REEP3: variants seen among roughly 807,000 people sequenced by gnomAD.
REEP3 encodes receptor expression-enhancing protein 3.
REEP3 carries 20 observed loss-of-function variants against 41.3 expected under a neutral mutation model. The ratio of observed to expected loss-of-function variants is 0.48; its 90% CI spans 0.34 to 0.70. REEP3 has a LOEUF of 0.70. Ranked by LOEUF, REEP3 falls within the 30% of genes least tolerant of loss-of-function variation. The pLI, the probability that REEP3 is intolerant of heterozygous loss-of-function variation, is 0.01. For missense variants in REEP3, 271 were observed against 308.8 expected, an observed-to-expected ratio of 0.88 and a Z score of 0.92; for synonymous variants, 104 against 101.8, an observed-to-expected ratio of 1.02 and a Z score of -0.13.
At position 63,521,535 on chromosome 10, in the gene REEP3, C is replaced by G. The variant is rs753297717; in HGVS notation, c.-11C>G. The stretch of plus-strand genomic sequence containing the variant: ...ACCCGCCCCGGACGTGGGGCCCAAG[C>G]CCCCGTGAAGATGGTGTCCTGGATG... On this transcript the variant is annotated 5_prime_UTR_variant, in exon 1 of 8. Coordinates refer to ENST00000373758, the MANE Select transcript of REEP3 (RefSeq NM_001001330.3). 1.7e-5 allele frequency: 25 copies of G among 1,428,966 alleles called. No homozygotes were observed. Among genetic ancestry groups the G allele is most frequent in the South Asian group, 2.9e-5 (2 of 68,216 alleles). 88.5% of individuals were successfully genotyped at this position (1,428,966 alleles called of 1,614,324 possible).
rs567575776 is a variant in REEP3, at chr10:63,609,868, T to C, written c.418-319T>C. 4.6e-5 allele frequency among the ~76,000 whole-genome samples: 7 copies of C among 152,366 alleles called. No individual in the cohort carries two copies. In the South Asian group the frequency reaches 1.4e-3, roughly 32 times the overall value. On this transcript the variant is annotated intron_variant, in intron 5 of 7. Coordinates refer to ENST00000373758, the MANE Select transcript of REEP3 (RefSeq NM_001001330.3). Reference sequence around the variant, plus strand: ...CTAGTTTTAGGAGACATCAACATTATGGATGCTGTTTACTCTGAGGGTAAG... The same window carrying C: ...CTAGTTTTAGGAGACATCAACATTACGGATGCTGTTTACTCTGAGGGTAAG...
chr10:63,563,540 T>A lies in REEP3; in HGVS notation c.33-2798T>A, dbSNP rs183461959. On this transcript the variant is annotated intron_variant, in intron 1 of 7. Transcript: ENST00000373758. ...AAAGCCTATATATACTATATTTTTT[T>A]AATCTGATAACCAAAACAGCTGCTA... is the stretch of plus-strand genomic sequence containing the variant. 3.3e-3 allele frequency among the ~76,000 whole-genome samples: 499 copies of A among 152,292 alleles called. 2 individuals carry two copies. The highest frequency in any genetic ancestry group is 0.012 in the African/African-American group (483 of 41,554).
intron 1 of REEP3, among the ~76,000 whole-genome samples, chr10:63,540,766 TA>T (rs1223552318): frequency 6.6e-6 from 1 of 152,184 alleles, no homozygotes; most frequent in East Asian, 1.9e-4. Flanking sequence ...TTTGTTTTTT[TA>T]AATAGACAAG....
At chr10:63,547,004 C>T (rs1955584736) in intron 1 of REEP3, among the ~76,000 whole-genome samples, 1 of 152,102 alleles carries the variant, frequency 6.6e-6, no homozygotes, top group African/African-American at 2.4e-5. Context: ...TCACTACAAC[C>T]TCCGCCTCTC....
At chr10:63,589,678 G>C (rs952179442) in intron 2 of REEP3, among the ~76,000 whole-genome samples, 3 of 150,924 alleles carry the variant, frequency 2.0e-5, no homozygotes, top group Non-Finnish European at 4.4e-5. Flanking sequence ...CTTGAACCTT[G>C]CACACAGATT....
intron 1 of REEP3, among the ~76,000 whole-genome samples, chr10:63,561,755 A>G (rs2133371404): frequency 6.6e-6 from 1 of 152,330 alleles, no homozygotes; most frequent in Non-Finnish European, 1.5e-5. Context: ...GAATGGATGC[A>G]TGTACTCTCA....
chr10:63,530,987 A>G (rs1005814592), intron 1 of REEP3, among the ~76,000 whole-genome samples: 1 of 152,220 alleles, frequency 6.6e-6, no homozygotes, highest in Non-Finnish European at 1.5e-5. Flanking sequence ...AAAATTGTTC[A>G]TGTTTACAAA....
intron 3 of REEP3, 140 bp downstream of exon 3, chr10:63,594,994 T>C: frequency 1.5e-6 from 1 of 659,578 alleles, no homozygotes; most frequent in Non-Finnish European, 2.7e-6. Flanking sequence ...TCATCTGCTT[T>C]CCCATAGAAC....
intron 2 of REEP3, among the ~76,000 whole-genome samples, chr10:63,592,607 T>C (rs961749435): frequency 1.3e-5 from 2 of 152,104 alleles, no homozygotes; most frequent in Non-Finnish European, 2.9e-5. Flanking sequence ...GATAACCTTA[T>C]GGGCCGGGCG....
chr10:63,602,349 A>G (rs1319198939), intron 5 of REEP3, among the ~76,000 whole-genome samples: 2 of 152,218 alleles, frequency 1.3e-5, no homozygotes, highest in African/African-American at 4.8e-5. Flanking sequence ...CAGCGGATGA[A>G]GAGGAGAAGG....
chr10:63,603,990 A>G (rs922043098), intron 5 of REEP3, among the ~76,000 whole-genome samples: 1 of 152,226 alleles, frequency 6.6e-6, no homozygotes, highest in Non-Finnish European at 1.5e-5. Context: ...AAGAAAGCCA[A>G]CAGTAAGATC....
intron 1 of REEP3, among the ~76,000 whole-genome samples, chr10:63,566,025 C>T (rs1427081479): frequency 1.3e-5 from 2 of 151,728 alleles, no homozygotes; most frequent in African/African-American, 2.4e-5. Context: ...GCTGGGACTA[C>T]AGGCACACCC....
chr10:63,571,746 T>C (rs1406146409), intron 2 of REEP3, among the ~76,000 whole-genome samples: 1 of 152,206 alleles, frequency 6.6e-6, no homozygotes. Context: ...TCCAATAATA[T>C]CTCAGTTGTT....
At position 63,552,248 on chromosome 10, in the gene REEP3, C is replaced by CAA. The variant is rs11455257; in HGVS notation, c.33-14078_33-14077dup. Reference sequence around the variant, plus strand: ...TGAAACCCTGTCTTTACTAAAAATACAAAAAAAAAAAAATTAGCTGGGTGT... The same window carrying CAA: ...TGAAACCCTGTCTTTACTAAAAATACAAAAAAAAAAAAAAATTAGCTGGGTGT... On this transcript the variant is annotated intron_variant, in intron 1 of 7. Transcript: ENST00000373758. 7.5e-3 allele frequency among the ~76,000 whole-genome samples: 1,074 copies of CAA among 143,894 alleles called. 9 individuals carry two copies. The highest frequency in any genetic ancestry group is 0.024 in the African/African-American group (962 of 39,448). The allele number at this position is 143,894 out of a possible 152,430, so 94.4% of individuals were successfully genotyped here.
chr10:63,611,785 ATT>A (rs1302598086), intron 6 of REEP3, among the ~76,000 whole-genome samples: 1 of 146,136 alleles, frequency 6.8e-6, no homozygotes, highest in South Asian at 2.2e-4. Context: ...GCAAAAAAAA[ATT>A]TTTTTTTTTT....
chr10:63,521,606 C>G (rs1206840790), intron 1 of REEP3, 29 bp downstream of exon 1: 1 of 1,389,940 alleles, frequency 7.2e-7, no homozygotes. Flanking sequence ...GCCCTGCAGC[C>G]GGCGCGAGGC....
intron 6 of REEP3, among the ~76,000 whole-genome samples, chr10:63,617,086 C>T (rs190642292): frequency 6.6e-6 from 1 of 152,086 alleles, no homozygotes; most frequent in East Asian, 1.9e-4. Flanking sequence ...GGCCTCCTTG[C>T]AGTTCTTCCA....
chr10:63,564,607 C>T (rs1345761192), intron 1 of REEP3, among the ~76,000 whole-genome samples: 2 of 149,538 alleles, frequency 1.3e-5, no homozygotes, highest in Admixed American at 1.3e-4. Flanking sequence ...TGGGCGACGG[C>T]GAGACCCTGT....
At chr10:63,619,604 G>A (rs537376720) in intron 6 of REEP3, 51 bp from the exon 7 acceptor site, 25 of 1,537,894 alleles carry the variant, frequency 1.6e-5, no homozygotes, top group Non-Finnish European at 2.2e-5. Flanking sequence ...AAGAGCCGGC[G>A]CTGACTGGTG....
Sources: gnomAD v4.1 joint callset for allele counts (sites outside exome capture counted in the v4.1 genomes callset) on GRCh38, gnomAD v4.1.1 for gene constraint, MANE v1.5 for transcripts, NCBI Gene and HGNC (gene_info 2026-07-23, HGNC 2026-07-21) for gene names.